The following LRRC31 variants were observed in gnomAD, a reference collection of about 807,000 sequenced individuals.
LRRC31 encodes the protein leucine-rich repeat-containing protein 31.
Under a neutral mutation model 46.7 loss-of-function variants are expected in LRRC31, and 35 were observed. The ratio of observed to expected loss-of-function variants is 0.75; its 90% CI spans 0.57 to 0.99. LRRC31 has a LOEUF of 0.99. Among genes scored for constraint, LRRC31 ranks in the 50% least tolerant of loss-of-function variants. The pLI, the probability that LRRC31 is intolerant of heterozygous loss-of-function variation, is 0.00. For missense variants in LRRC31, 613 were observed against 626.1 expected, an observed-to-expected ratio of 0.98 and a Z score of 0.22; for synonymous variants, 236 against 235.1, an observed-to-expected ratio of 1.00 and a Z score of -0.03.
intron 8 of LRRC31, among the ~76,000 whole-genome samples, chr3:169,842,683 A>G (rs1023878448): frequency 6.6e-6 from 1 of 152,160 alleles, no homozygotes; most frequent in African/African-American, 2.4e-5. Context: ...AAATTCAAAG[A>G]AGGAAAATAT....
intron 5 of LRRC31, among the ~76,000 whole-genome samples, chr3:169,855,205 A>C (rs899126335): frequency 3.3e-5 from 5 of 152,076 alleles, no homozygotes; most frequent in African/African-American, 1.2e-4. Flanking sequence ...GGTGGATCAC[A>C]GGGTCAGGAG....
intron 3 of LRRC31, among the ~76,000 whole-genome samples, 163 bp downstream of exon 3, chr3:169,860,398 T>C (rs1467046562): frequency 1.3e-5 from 2 of 151,744 alleles, no homozygotes; most frequent in African/African-American, 4.8e-5. Context: ...CGGCTAACTT[T>C]TTGTATTTTA....
At chr3:169,850,482 T>C (rs1167001891) in intron 7 of LRRC31, among the ~76,000 whole-genome samples, 1 of 152,230 alleles carries the variant, frequency 6.6e-6, no homozygotes, top group African/African-American at 2.4e-5. Context: ...AGTCTAGGTA[T>C]GCTTGAAGGG....
At chr3:169,864,748 TCTC>T (rs1781278438) in intron 1 of LRRC31, among the ~76,000 whole-genome samples, 1 of 152,156 alleles carries the variant, frequency 6.6e-6, no homozygotes, top group South Asian at 2.1e-4. Flanking sequence ...CCCCTGGACA[TCTC>T]CTCACAGATC....
intron 8 of LRRC31, among the ~76,000 whole-genome samples, chr3:169,842,155 T>C (rs886609335): frequency 6.6e-6 from 1 of 152,150 alleles, no homozygotes; most frequent in African/African-American, 2.4e-5. Context: ...TATTACATTT[T>C]AAAAAATCTA....
chr3:169,854,816 G>GTGACATC lies in LRRC31; in HGVS notation c.981_987dup (p.Leu330AspfsTer29), dbSNP rs771461642. The GTGACATC allele has an allele frequency of 6.2e-5, 100 of 1,608,986 alleles. No homozygotes were observed. The South Asian group carries it at 1.1e-3, about 17-fold the overall frequency. On this transcript the variant is annotated frameshift_variant, in exon 6 of 9. Transcript: ENST00000316428. LOFTEE classifies it high-confidence loss of function. The stretch of plus-strand genomic sequence containing the variant: ...TTGCTCTGCAATATATACTTACTCA[G>GTGACATC]TGACATCACGTCATCTGCTGTTAGT...
chr3:169,860,978 T>G (rs376214223), intron 2 of LRRC31, among the ~76,000 whole-genome samples: 43 of 152,190 alleles, frequency 2.8e-4, no homozygotes, highest in East Asian at 1.9e-3. Context: ...AATGCAGGAG[T>G]GTGTCTGTAA....
intron 5 of LRRC31, 66 bp downstream of exon 5, chr3:169,856,270 A>G: frequency 7.8e-6 from 7 of 893,674 alleles, no homozygotes; most frequent in Non-Finnish European, 8.8e-6. Context: ...TTTTCAATAT[A>G]TATATTTATA....
In LRRC31 at chr3:169,846,388, G is replaced by A. The variant is rs138696869; in HGVS notation, c.1327+1732C>T. Among the ~76,000 whole-genome samples the A allele has an allele frequency of 8.0e-3, 1,212 of 152,294 alleles. 19 individuals carry two copies. The highest frequency in any genetic ancestry group is 0.025 in the African/African-American group (1,042 of 41,562). The stretch of plus-strand genomic sequence containing the variant: ...AAACAGCCTGGGCACGGTGGCTCAC[G>A]CCTGTAATCCCAGCATTTTGGGAAG... On this transcript the variant is annotated intron_variant, in intron 8 of 8. Transcript: ENST00000316428.
chr3:169,855,111 T>C (rs1355199587), intron 5 of LRRC31, 131 bp from the exon 6 acceptor site: 4 of 666,000 alleles, frequency 6.0e-6, no homozygotes, highest in Non-Finnish European at 1.0e-5. Context: ...GGCAGCATAG[T>C]GAGATCCATC....
rs1284897309 is a variant in LRRC31, at chr3:169,869,633, C to A, written c.175G>T (p.Ala59Ser). ...WIQKTATSET[A>S]KPLSSEMEWR... is the part of the protein sequence containing the mutation. ...AAAACACCAGCAGCCAGCAGCTTACCAGTCTCTGAGGTGGCTGTCTTCTGT... is the reference window on the plus strand; with the variant it reads ...AAAACACCAGCAGCCAGCAGCTTACAAGTCTCTGAGGTGGCTGTCTTCTGT... Residue 59 changes from alanine to serine, a missense_variant and splice_region_variant, in exon 1 of 9, where the codon GCT (alanine) becomes TCT (serine). Ala to Ser is a moderately conservative substitution (Grantham distance 99). Coordinates refer to ENST00000316428, the MANE Select transcript of LRRC31 (RefSeq NM_024727.4). The A allele has an allele frequency of 1.9e-6, 3 of 1,582,940 alleles. No homozygotes were observed. Among genetic ancestry groups the A allele is most frequent in the Middle Eastern group, 1.7e-4 (1 of 5,926 alleles).
At chr3:169,861,609 A>G in intron 2 of LRRC31, 61 bp downstream of exon 2, 2 of 1,562,554 alleles carry the variant, frequency 1.3e-6, no homozygotes, top group Non-Finnish European at 1.7e-6. Context: ...AGTATGTTTT[A>G]TCTGCTTATC....
intron 6 of LRRC31, among the ~76,000 whole-genome samples, chr3:169,853,030 T>C (rs1465990607): frequency 6.6e-6 from 1 of 152,192 alleles, no homozygotes; most frequent in Non-Finnish European, 1.5e-5. Context: ...GGCAGATAGA[T>C]GGGCACTTGT....
chr3:169,860,181 C>G (rs1489495781), intron 3 of LRRC31, among the ~76,000 whole-genome samples: 3 of 151,532 alleles, frequency 2.0e-5, no homozygotes, highest in African/African-American at 7.3e-5. Context: ...TAAATAAACT[C>G]CATGAAAGCA....
intron 3 of LRRC31, 102 bp from the exon 4 acceptor site, chr3:169,856,974 G>A: frequency 8.7e-7 from 1 of 1,155,136 alleles, no homozygotes; most frequent in Non-Finnish European, 1.2e-6. Context: ...GTGGAAACTG[G>A]GCCAGGTACT....
chr3:169,852,983 A>T (rs1292656348), intron 6 of LRRC31, among the ~76,000 whole-genome samples: 1 of 152,208 alleles, frequency 6.6e-6, no homozygotes, highest in African/African-American at 2.4e-5. Context: ...GGGAGAAGGG[A>T]GAGAGGTCAG....
chr3:169,856,612 C>T, intron 4 of LRRC31, 93 bp downstream of exon 4: 1 of 1,417,136 alleles, frequency 7.1e-7, no homozygotes, highest in South Asian at 1.5e-5. Flanking sequence ...ACATACCCTT[C>T]TTTAAATTCA....
chr3:169,855,895 A>T (rs1040640479), intron 5 of LRRC31, among the ~76,000 whole-genome samples: 1 of 152,044 alleles, frequency 6.6e-6, no homozygotes, highest in South Asian at 2.1e-4. Flanking sequence ...GAAAATAAAT[A>T]AAATATAAAA....
intron 6 of LRRC31, among the ~76,000 whole-genome samples, chr3:169,853,012 G>T (rs1169726821): frequency 6.6e-6 from 1 of 152,206 alleles, no homozygotes; most frequent in Admixed American, 6.5e-5. Context: ...AAGGGGAAAG[G>T]CAGGGAAGGC....
Sources: allele counts gnomAD v4.1 joint callset (sites outside exome capture counted in the v4.1 genomes callset), GRCh38; gene constraint gnomAD v4.1.1; transcripts MANE v1.5; gene names NCBI Gene and HGNC (gene_info 2026-07-23, HGNC 2026-07-21).